CBY1: variants seen among roughly 807,000 people sequenced by gnomAD.
The protein encoded by CBY1 is protein chibby homolog 1.
In CBY1, 10 loss-of-function variants were observed where a neutral mutation model predicts 15.6. That is an observed-to-expected ratio of 0.64 (90% CI 0.40 to 1.09). The LOEUF (loss-of-function observed/expected upper bound fraction) is 1.09. Ranked by LOEUF, CBY1 falls within the 50% of genes least tolerant of loss-of-function variation. The probability of loss-of-function intolerance (pLI) is 0.01; values close to 1 mark genes in which losing one functional copy is unlikely to be tolerated. For synonymous variants in CBY1, 61 were observed against 63.5 expected, an observed-to-expected ratio of 0.96 and a Z score of 0.19; for missense variants, 150 against 160.5, an observed-to-expected ratio of 0.93 and a Z score of 0.35.
chr22:38,672,734 C>CA (rs1446437152), intron 4 of CBY1, among the ~76,000 whole-genome samples: 1 of 151,972 alleles, frequency 6.6e-6, no homozygotes, highest in African/African-American at 2.4e-5. Flanking sequence ...ACAAACAAAC[C>CA]AAAAAACAAA....
chr22:38,662,752 T>A (rs8142098), intron 1 of CBY1, among the ~76,000 whole-genome samples: 2 of 151,784 alleles, frequency 1.3e-5, no homozygotes, highest in African/African-American at 2.4e-5. Flanking sequence ...TGCCTCTGCC[T>A]CCCAAAGTGC....
intron 1 of CBY1, among the ~76,000 whole-genome samples, chr22:38,661,726 G>C (rs1225508799): frequency 2.6e-5 from 4 of 151,920 alleles, no homozygotes; most frequent in Non-Finnish European, 4.4e-5. Context: ...TTCATACTTT[G>C]AATTCTCTTT....
chr22:38,664,115 C>T (rs183829889), intron 1 of CBY1, among the ~76,000 whole-genome samples: 186 of 151,814 alleles, frequency 1.2e-3, no homozygotes, highest in Admixed American at 2.1e-3. Flanking sequence ...TTGTATCCAG[C>T]GTATATAAAT....
chr22:38,671,432 C>T (rs924537675), intron 4 of CBY1: 7 of 468,702 alleles, frequency 1.5e-5, no homozygotes, highest in East Asian at 1.1e-4. Context: ...GCACAGCACA[C>T]GAGGGAGAAG....
intron 4 of CBY1, among the ~76,000 whole-genome samples, chr22:38,672,712 G>A (rs949778636): frequency 3.3e-5 from 5 of 152,074 alleles, no homozygotes; most frequent in Non-Finnish European, 7.4e-5. Context: ...GAGCGAGACC[G>A]TGTCTCAGAA....
At chr22:38,672,038 C>T (rs770703238) in intron 4 of CBY1, among the ~76,000 whole-genome samples, 21 of 151,226 alleles carry the variant, frequency 1.4e-4, no homozygotes, top group Non-Finnish European at 2.4e-4. Context: ...CCAAGGTGGA[C>T]GGGTCACAAG....
intron 1 of CBY1, 159 bp from the exon 2 acceptor site, chr22:38,667,858 G>A (rs2092441439): frequency 1.7e-6 from 1 of 595,850 alleles, no homozygotes; most frequent in South Asian, 2.0e-5. Flanking sequence ...GTTAAACAAT[G>A]GCAATTCAAT....
In CBY1 at chr22:38,670,894, C is replaced by A; in HGVS notation, c.89C>A (p.Ser30Ter). Reference sequence around the variant, plus strand: ...GCATCTCGCCCACAGTTGGATCGATCAACCCGGGAGGTGGAGCTGGGCTTG... The same window carrying A: ...GCATCTCGCCCACAGTTGGATCGATAAACCCGGGAGGTGGAGCTGGGCTTG... ...SLSNLHSLDRSTREVELGLEY... is the reference protein window; with the variant it reads ...SLSNLHSLDR The change falls in exon 3 of 5, where the codon TCA (serine) becomes TAA (stop). Residue 30 changes from serine (S) to a stop codon, truncating the protein, a stop_gained. Coordinates refer to ENST00000216029, the MANE Select transcript of CBY1 (RefSeq NM_015373.4). LOFTEE classifies it high-confidence loss of function. 2 of 1,613,714 alleles carry A rather than the reference C, an allele frequency of 1.2e-6. No homozygotes were observed. Among genetic ancestry groups the A allele is most frequent in the South Asian group, 2.2e-5 (2 of 91,052 alleles).
Position 38,671,179 on chromosome 22 carries a change from A to G in CBY1, c.294A>G (p.Leu98=), listed in dbSNP as rs2092451485. 6.2e-7 allele frequency: 1 copy of G among 1,610,998 alleles called. No homozygotes were observed. The highest frequency in any genetic ancestry group is 1.3e-5 in the African/African-American group (1 of 74,902). The change falls in exon 4 of 5, where the codon TTA becomes TTG. Residue 98 remains leucine, a synonymous_variant. Transcript: ENST00000216029. ...TCTTGCGGCTGAAAGTGGACATCTT[A>G]TTAGACATGGTGAGGCAGGTGATGG... The part of the protein sequence containing the change: ...NNLLRLKVDI[L]LDMLSESTAE...
intron 1 of CBY1, chr22:38,666,589 G>A (rs904790698): frequency 1.8e-4 from 27 of 152,180 alleles, no homozygotes; most frequent in Non-Finnish European, 8.8e-5. Flanking sequence ...TAACAGAACA[G>A]GTAACGTGAC....
At chr22:38,670,252 C>T (rs549955161) in intron 2 of CBY1, 2 of 151,990 alleles carry the variant, frequency 1.3e-5, no homozygotes, top group East Asian at 1.9e-4. Flanking sequence ...AAAAATTAGC[C>T]GGGTATGGTG....
chr22:38,658,326 A>G (rs1378300319), intron 1 of CBY1, among the ~76,000 whole-genome samples: 3 of 152,176 alleles, frequency 2.0e-5, no homozygotes. Flanking sequence ...GGGTTTCACC[A>G]TGTTGGCCAG....
chr22:38,665,222 G>T (rs1477859150), intron 1 of CBY1, among the ~76,000 whole-genome samples: 1 of 152,130 alleles, frequency 6.6e-6, no homozygotes, highest in African/African-American at 2.4e-5. Context: ...CAGCATTTTG[G>T]GAGGCTGAGG....
At chr22:38,662,109 C>G (rs768387392) in intron 1 of CBY1, among the ~76,000 whole-genome samples, 6 of 152,068 alleles carry the variant, frequency 3.9e-5, no homozygotes, top group Non-Finnish European at 8.8e-5. Flanking sequence ...CGTGACCAGC[C>G]TGGGCAACAT....
At chr22:38,667,690 G>A in intron 1 of CBY1, 1 of 231,928 alleles carries the variant, frequency 4.3e-6, no homozygotes, top group Non-Finnish European at 8.4e-6. Context: ...TGAGGCAGAA[G>A]GCTCACATGG....
intron 1 of CBY1, among the ~76,000 whole-genome samples, chr22:38,663,697 CAAAAAAAAA>C (rs35974746): frequency 2.6e-5 from 2 of 76,458 alleles, no homozygotes; most frequent in African/African-American, 4.9e-5. Flanking sequence ...ACTCTGTCTC[CAAAAAAAAA>C]AAAAAAAAAG....
At chr22:38,657,889 T>G (rs1011298043) in intron 1 of CBY1, among the ~76,000 whole-genome samples, 4 of 152,184 alleles carry the variant, frequency 2.6e-5, no homozygotes, top group Admixed American at 6.5e-5. Context: ...GCTTCTTAAC[T>G]GTGTTTTGTT....
Position 38,670,948 on chromosome 22 carries a change from C to T in CBY1, c.143C>T (p.Ala48Val). The T allele has an allele frequency of 1.9e-6, 3 of 1,614,180 alleles. No homozygotes were observed. Among genetic ancestry groups the T allele is most frequent in the Non-Finnish European group, 2.5e-6 (3 of 1,180,016 alleles). The change falls in exon 3 of 5, where the codon GCA (alanine) becomes GTA (valine). Residue 48 changes from alanine (A) to valine (V), a missense_variant. By Grantham distance (64) the Ala-to-Val change is moderately conservative. Transcript: ENST00000216029. ...LEYGSPTMNL[A>V]GQSLKFENGQ... ...TACGGATCCCCGACTATGAACCTGG[C>T]AGGGCAAAGCCTGAAGTTTGAAAAT...
chr22:38,667,889 G>T (rs971450344), intron 1 of CBY1, 128 bp from the exon 2 acceptor site: 2 of 606,680 alleles, frequency 3.3e-6, no homozygotes, highest in Middle Eastern at 3.3e-4. Context: ...GTTTTGGTGG[G>T]GACATTCAAA....
Sources: gnomAD v4.1 joint callset for allele counts (sites outside exome capture counted in the v4.1 genomes callset) on GRCh38, gnomAD v4.1.1 for gene constraint, MANE v1.5 for transcripts, NCBI Gene and HGNC (gene_info 2026-07-23, HGNC 2026-07-21) for gene names.